The following PIBF1 variants were observed in gnomAD, a reference collection of about 807,000 sequenced individuals.
PIBF1 encodes the protein progesterone immunomodulatory binding factor 1, also known as progesterone-induced-blocking factor 1.
In PIBF1, 90 loss-of-function variants were observed where a neutral mutation model predicts 112.5. The ratio of observed to expected loss-of-function variants is 0.80; its 90% CI spans 0.67 to 0.95. The LOEUF (loss-of-function observed/expected upper bound fraction) is 0.95, where lower values mean the gene tolerates loss of function less well. Ranked by LOEUF, PIBF1 falls within the 40% of genes least tolerant of loss-of-function variation. The probability of loss-of-function intolerance (pLI) is 0.00; values close to 1 mark genes in which losing one functional copy is unlikely to be tolerated. For synonymous variants in PIBF1, 301 were observed against 288.6 expected (o/e 1.04, Z -0.44); for missense variants, 915 against 852.3 (o/e 1.07, Z -0.92).
chr13:72,812,128 A>G (rs973523194), intron 5 of PIBF1, among the ~76,000 whole-genome samples: 2 of 152,154 alleles, frequency 1.3e-5, no homozygotes, highest in African/African-American at 4.8e-5. Context: ...TGGCACGGGA[A>G]AACTCAGGAG....
chr13:72,914,693 C>T (rs1006765134), intron 12 of PIBF1, among the ~76,000 whole-genome samples: 1 of 152,108 alleles, frequency 6.6e-6, no homozygotes, highest in African/African-American at 2.4e-5. Context: ...AAGTGATTCC[C>T]CCTGCCTCAT....
intron 17 of PIBF1, among the ~76,000 whole-genome samples, chr13:73,000,178 C>G (rs2043810657): frequency 6.6e-6 from 1 of 152,220 alleles, no homozygotes; most frequent in Non-Finnish European, 1.5e-5. Context: ...GTCCATGCAT[C>G]TTTTCCTCTG....
At chr13:72,928,296 A>G (rs2041595724) in intron 13 of PIBF1, among the ~76,000 whole-genome samples, 1 of 151,946 alleles carries the variant, frequency 6.6e-6, no homozygotes, top group African/African-American at 2.4e-5. Flanking sequence ...TGTAGAGTAT[A>G]TTTGTAAGCA....
intron 16 of PIBF1, among the ~76,000 whole-genome samples, chr13:72,976,750 C>G (rs2043032257): frequency 6.6e-6 from 1 of 152,130 alleles, no homozygotes; most frequent in Admixed American, 6.6e-5. Flanking sequence ...AAATGCTTGG[C>G]CATTCACTTG....
intron 17 of PIBF1, among the ~76,000 whole-genome samples, chr13:73,010,999 G>A (rs1454920173): frequency 6.6e-6 from 1 of 151,126 alleles, no homozygotes; most frequent in African/African-American, 2.4e-5. Context: ...GCTAATTTTT[G>A]TATTTTTAGT....
chr13:72,854,013 A>G lies in PIBF1; in HGVS notation c.1224-44A>G, dbSNP rs569637372. ...TCCATCTTTAAGAAAGAACATAGAT[A>G]AATCACGCATTTGAAATAACTGAAA... On this transcript the variant is annotated intron_variant, in intron 9 of 17. Coordinates refer to ENST00000326291, the MANE Select transcript of PIBF1 (RefSeq NM_006346.4). 10 of 1,327,874 alleles carry G rather than the reference A, an allele frequency of 7.5e-6. No homozygotes were observed. The South Asian group carries it at 1.2e-4, about 16-fold the overall frequency. The allele number at this position is 1,327,874 out of a possible 1,614,324, so 82.3% of individuals were successfully genotyped here.
chr13:72,803,229 TG>T (rs1040742196), intron 5 of PIBF1, among the ~76,000 whole-genome samples: 24 of 151,104 alleles, frequency 1.6e-4, no homozygotes, highest in African/African-American at 5.9e-4. Flanking sequence ...AGGGAAGGCT[TG>T]TTTTTTTTTT....
At chr13:73,011,208 G>A (rs539853568) in intron 17 of PIBF1, among the ~76,000 whole-genome samples, 1 of 152,226 alleles carries the variant, frequency 6.6e-6, no homozygotes, top group South Asian at 2.1e-4. Flanking sequence ...CCAATACAGA[G>A]AATGATGATG....
At chr13:73,008,898 T>C (rs957497895) in intron 17 of PIBF1, among the ~76,000 whole-genome samples, 1 of 152,016 alleles carries the variant, frequency 6.6e-6, no homozygotes, top group Non-Finnish European at 1.5e-5. Flanking sequence ...AAACTAAGAG[T>C]ATAAGAGTCA....
At chr13:72,832,166 A>C (rs2037157991) in intron 8 of PIBF1, among the ~76,000 whole-genome samples, 1 of 140,192 alleles carries the variant, frequency 7.1e-6, no homozygotes, top group Non-Finnish European at 1.5e-5. Context: ...GTGTCTTTGC[A>C]AATGAGATGT....
intron 10 of PIBF1, among the ~76,000 whole-genome samples, chr13:72,879,445 T>C (rs897285516): frequency 2.7e-5 from 4 of 149,032 alleles, no homozygotes; most frequent in African/African-American, 7.5e-5. Flanking sequence ...GAGGAGGGAA[T>C]TGAAATAAAC....
intron 16 of PIBF1, among the ~76,000 whole-genome samples, chr13:72,995,186 C>G (rs972624752): frequency 1.3e-5 from 2 of 151,414 alleles, no homozygotes; most frequent in African/African-American, 4.9e-5. Flanking sequence ...CCTGTAATCC[C>G]AGCTACTTGG....
intron 5 of PIBF1, among the ~76,000 whole-genome samples, chr13:72,819,183 G>A (rs779131725): frequency 1.3e-5 from 2 of 152,084 alleles, no homozygotes; most frequent in Non-Finnish European, 2.9e-5. Flanking sequence ...AAGCCGTAGG[G>A]TAAGATTAGG....
intron 10 of PIBF1, among the ~76,000 whole-genome samples, chr13:72,884,182 TTTATACCTGTATATGACAGTA>T (rs2039754983): frequency 6.6e-6 from 1 of 152,206 alleles, no homozygotes; most frequent in Non-Finnish European, 1.5e-5. Flanking sequence ...GAAAAAACTG[TTTATACCTGTATATGACAGTA>T]AATAAAAGCA....
At chr13:73,003,751 C>T (rs1407450427) in intron 17 of PIBF1, among the ~76,000 whole-genome samples, 2 of 152,096 alleles carry the variant, frequency 1.3e-5, no homozygotes, top group African/African-American at 4.8e-5. Context: ...GCTCTGTCAC[C>T]TAGGCTGGAG....
rs772506347 is a variant in PIBF1 at position 72,791,036 on chromosome 13, T to TG, written c.253-1411_253-1410insG. Among the ~76,000 whole-genome samples the TG allele has an allele frequency of 2.4e-3, 306 of 127,398 alleles. 1 individual carries two copies. The highest frequency in any genetic ancestry group is 2.3e-3 in the Non-Finnish European group (144 of 63,676). 83.6% of individuals were successfully genotyped at this position (127,398 alleles called of 152,430 possible). ...ATGGATTGGCTGTGAAATTCATGTA[T>TG]TTTTGTTTGTTTGTTTGTTTGTTTG... On this transcript the variant is annotated intron_variant, in intron 2 of 17. Transcript: ENST00000326291.
At chr13:72,973,306 GAA>G (rs2042942809) in intron 15 of PIBF1, among the ~76,000 whole-genome samples, 1 of 144,714 alleles carries the variant, frequency 6.9e-6, no homozygotes, top group Admixed American at 7.0e-5. Context: ...GAAAGAGAAA[GAA>G]AAGAGGAGAG....
At chr13:73,000,209 G>T (rs111581434) in intron 17 of PIBF1, among the ~76,000 whole-genome samples, 1 of 152,104 alleles carries the variant, frequency 6.6e-6, no homozygotes, top group Non-Finnish European at 1.5e-5. Context: ...GCTTCTCTTT[G>T]TTTCTCCTCT....
chr13:72,968,613 A>G lies in PIBF1; in HGVS notation c.1964+3209A>G, dbSNP rs374414937. On this transcript the variant is annotated intron_variant, in intron 15 of 17. Transcript: ENST00000326291. ...ACCACACCCAACCTGAGCATTTGAA[A>G]TGTGGCTACTGTTACTGAGGAACTA... 9.2e-5 allele frequency among the ~76,000 whole-genome samples: 14 copies of G among 152,220 alleles called. No individual in the cohort carries two copies. The East Asian group carries it at 1.4e-3, about 15-fold the overall frequency.
Sources: allele counts gnomAD v4.1 joint callset (sites outside exome capture counted in the v4.1 genomes callset), GRCh38; gene constraint gnomAD v4.1.1; transcripts MANE v1.5; gene names NCBI Gene and HGNC (gene_info 2026-07-23, HGNC 2026-07-21).